SIAE: variants seen among roughly 807,000 people sequenced by gnomAD.
SIAE encodes sialic acid acetylesterase.
SIAE carries 39 observed loss-of-function variants against 52.6 expected under a neutral mutation model. The ratio of observed to expected loss-of-function variants is 0.74; its 90% CI spans 0.57 to 0.97. The LOEUF (loss-of-function observed/expected upper bound fraction) is 0.97. Ranked by LOEUF, SIAE falls within the 50% of genes least tolerant of loss-of-function variation. SIAE has a pLI of 0.00. For synonymous variants in SIAE, 233 were observed against 241.4 expected, an observed-to-expected ratio of 0.97 and a Z score of 0.32; for missense variants, 592 against 662.1, an observed-to-expected ratio of 0.89 and a Z score of 1.16.
Position 124,636,549 on chromosome 11 carries a change from A to C in SIAE, c.*402T>G. 1 of 279,600 alleles carries C rather than the reference A, an allele frequency of 3.6e-6. No homozygotes were observed. Among genetic ancestry groups the C allele is most frequent in the South Asian group, 4.1e-5 (1 of 24,392 alleles). The allele number at this position is 279,600 out of a possible 1,614,324, so 17.3% of individuals were successfully genotyped here. ...GCCTGGTTAGTACTTGGATGGGAGAAATTTTATAAAGAACACATGAACACT... is the reference window on the plus strand; with the variant it reads ...GCCTGGTTAGTACTTGGATGGGAGACATTTTATAAAGAACACATGAACACT... On this transcript the variant is annotated 3_prime_UTR_variant, in exon 10 of 10. Coordinates refer to ENST00000263593, the MANE Select transcript of SIAE (RefSeq NM_170601.5).
intron 1 of SIAE, among the ~76,000 whole-genome samples, chr11:124,671,193 T>A (rs941594378): frequency 3.9e-5 from 6 of 152,208 alleles, no homozygotes; most frequent in African/African-American, 1.4e-4. Flanking sequence ...ATCTTCATAA[T>A]CGTAGTATAA....
In SIAE at chr11:124,635,297, C is replaced by T. The variant is rs915385462; in HGVS notation, c.*1654G>A. The T allele has an allele frequency of 6.6e-6, 1 of 152,146 alleles. No homozygotes were observed. The highest frequency in any genetic ancestry group is 1.5e-5 in the Non-Finnish European group (1 of 68,046). 9.4% of individuals were successfully genotyped at this position (152,146 alleles called of 1,614,324 possible). A position where few individuals can be genotyped will look rare whatever the true frequency, so the allele number is the denominator to read the frequency against. ...GCATGGGCAATAGGGGTTAACTGAA[C>T]GAGTTGAATGCTAGGAAGTCCTCAG... On this transcript the variant is annotated 3_prime_UTR_variant, in exon 10 of 10. Transcript: ENST00000263593.
intron 7 of SIAE, among the ~76,000 whole-genome samples, chr11:124,644,951 ATCT>A (rs1942910360): frequency 6.6e-6 from 1 of 152,016 alleles, no homozygotes; most frequent in African/African-American, 2.4e-5. Flanking sequence ...GTCCCTCCAG[ATCT>A]TCTGATTTCT....
chr11:124,636,764 C>G lies in SIAE; in HGVS notation c.*187G>C. ...CTTAGACCAACTAGGGAACAAAAAG[C>G]AAGCATTTCAAGTTACCTATAAGCC... On this transcript the variant is annotated 3_prime_UTR_variant, in exon 10 of 10. Transcript: ENST00000263593. 4 of 790,416 alleles carry G rather than the reference C, an allele frequency of 5.1e-6. No homozygotes were observed. The highest frequency in any genetic ancestry group is 8.1e-6 in the Non-Finnish European group (4 of 496,894). 49.0% of individuals were successfully genotyped at this position (790,416 alleles called of 1,614,324 possible).
In SIAE at chr11:124,633,738, ATGT is replaced by A. The variant is rs1273993705; in HGVS notation, c.*3210_*3212del. The stretch of plus-strand genomic sequence containing the variant: ...CAAATCGGGAAGGGGACTGCTTAAA[ATGT>A]TAATGCAGTGTTTTTCTTTTTTTCT... On this transcript the variant is annotated 3_prime_UTR_variant, in exon 10 of 10. Coordinates refer to ENST00000263593, the MANE Select transcript of SIAE (RefSeq NM_170601.5). 1 of 152,254 alleles carries A rather than the reference ATGT, an allele frequency of 6.6e-6. No individual in the cohort carries two copies. Among genetic ancestry groups the A allele is most frequent in the Admixed American group, 6.5e-5 (1 of 15,286 alleles). The allele number at this position is 152,254 out of a possible 1,614,324, so 9.4% of individuals were successfully genotyped here. A position where few individuals can be genotyped will look rare whatever the true frequency, so the allele number is the denominator to read the frequency against.
Position 124,635,536 on chromosome 11 carries a change from C to G in SIAE, c.*1415G>C, listed in dbSNP as rs1942711052. 1 of 152,038 alleles carries G rather than the reference C, an allele frequency of 6.6e-6. No homozygotes were observed. 9.4% of individuals were successfully genotyped at this position (152,038 alleles called of 1,614,324 possible). On this transcript the variant is annotated 3_prime_UTR_variant, in exon 10 of 10. Coordinates refer to ENST00000263593, the MANE Select transcript of SIAE (RefSeq NM_170601.5). ...TAAAAAGTTCCTAAATTGGGGGAAA[C>G]ATAGTGAATTCCACATAATGTTTTA... is the stretch of plus-strand genomic sequence containing the variant.
chr11:124,650,096 T>C (rs1024309203), intron 4 of SIAE, among the ~76,000 whole-genome samples: 1 of 152,216 alleles, frequency 6.6e-6, no homozygotes, highest in Admixed American at 6.5e-5. Flanking sequence ...TTTCAGTTAC[T>C]CAAAATGCTT....
intron 1 of SIAE, chr11:124,669,724 A>G (rs1943322840): frequency 1.7e-6 from 1 of 582,276 alleles, no homozygotes. Flanking sequence ...TATGCATCAT[A>G]GCACATGATG....
rs1415399660 is a variant in SIAE at position 124,636,796 on chromosome 11, C to T, written c.*155G>A. The T allele has an allele frequency of 9.3e-7, 1 of 1,077,736 alleles. No homozygotes were observed. The highest frequency in any genetic ancestry group is 1.4e-6 in the Non-Finnish European group (1 of 718,798). The allele number at this position is 1,077,736 out of a possible 1,614,324, so 66.8% of individuals were successfully genotyped here. ...TTCAAGTTACCTATAAGCCTGGGCT[C>T]ATCAGAATATAGAAACAGCCATGTG... is the stretch of plus-strand genomic sequence containing the variant. On this transcript the variant is annotated 3_prime_UTR_variant, in exon 10 of 10. Coordinates refer to ENST00000263593, the MANE Select transcript of SIAE (RefSeq NM_170601.5).
At chr11:124,647,978 G>T in intron 6 of SIAE, 88 bp downstream of exon 6, 2 of 1,021,978 alleles carry the variant, frequency 2.0e-6, no homozygotes, top group Non-Finnish European at 1.5e-6. Context: ...TAAAGTTATT[G>T]TTGCTTTAAG....
intron 1 of SIAE, among the ~76,000 whole-genome samples, chr11:124,673,017 G>A (rs1943390980): frequency 6.6e-6 from 1 of 152,116 alleles, no homozygotes; most frequent in Non-Finnish European, 1.5e-5. Context: ...GATCTGACCT[G>A]CGCAACAGCC....
chr11:124,661,288 TCTC>T (rs1416474720), intron 2 of SIAE, among the ~76,000 whole-genome samples: 2 of 152,178 alleles, frequency 1.3e-5, no homozygotes, highest in African/African-American at 4.8e-5. Flanking sequence ...TCACTCCCCG[TCTC>T]CTCCTCTGTT....
intron 3 of SIAE, among the ~76,000 whole-genome samples, chr11:124,656,096 C>T (rs140743168): frequency 6.1e-4 from 92 of 152,054 alleles, no homozygotes; most frequent in African/African-American, 2.1e-3. Context: ...ACTCGGGTCC[C>T]GTCCCCAAGA....
At chr11:124,652,207 G>A (rs947173876) in intron 4 of SIAE, among the ~76,000 whole-genome samples, 6 of 152,088 alleles carry the variant, frequency 3.9e-5, no homozygotes, top group African/African-American at 7.2e-5. Flanking sequence ...CCCCAAAGAC[G>A]TCGACACACT....
Position 124,673,661 on chromosome 11 carries a change from CAGGATTAATGGCAGCACCAGCCCGAGTA to C in SIAE, c.20_47del (p.Val7GlyfsTer31), listed in dbSNP as rs1316466996. ...CCTCACCTGCACTTCTGTCGGCCCA[CAGGATTAATGGCAGCACCAGCCCGAGTA>C]CAAGCCCCGGCGCGACCATGCTTGC... On this transcript the variant is annotated frameshift_variant, in exon 1 of 10. Transcript: ENST00000263593. LOFTEE classifies it high-confidence loss of function. 6.2e-7 allele frequency: 1 copy of C among 1,613,792 alleles called. No homozygotes were observed. Among genetic ancestry groups the C allele is most frequent in the East Asian group, 2.2e-5 (1 of 44,844 alleles).
chr11:124,654,956 C>G (rs1049052216), intron 3 of SIAE, among the ~76,000 whole-genome samples, 163 bp from the exon 4 acceptor site: 2 of 151,940 alleles, frequency 1.3e-5, no homozygotes, highest in Non-Finnish European at 1.5e-5. Context: ...TCCACTTTTA[C>G]CAAAAGAGAC....
intron 2 of SIAE, among the ~76,000 whole-genome samples, chr11:124,665,136 C>A (rs1943255231): frequency 6.6e-6 from 1 of 152,186 alleles, no homozygotes; most frequent in South Asian, 2.1e-4. Context: ...CAGACACAGC[C>A]TAAGGTGACA....
intron 3 of SIAE, among the ~76,000 whole-genome samples, chr11:124,656,058 A>G (rs546833061): frequency 2.0e-5 from 3 of 152,324 alleles, no homozygotes; most frequent in South Asian, 4.1e-4. Flanking sequence ...TAAGGTATAT[A>G]GGAAACATAA....
chr11:124,650,540 A>C (rs1312981068), intron 4 of SIAE, among the ~76,000 whole-genome samples: 3 of 152,216 alleles, frequency 2.0e-5, no homozygotes, highest in Non-Finnish European at 4.4e-5. Flanking sequence ...TGAGAGAATG[A>C]GGCAGGTGGA....
Sources: gnomAD v4.1 joint callset for allele counts (sites outside exome capture counted in the v4.1 genomes callset) on GRCh38, gnomAD v4.1.1 for gene constraint, MANE v1.5 for transcripts, NCBI Gene and HGNC (gene_info 2026-07-23, HGNC 2026-07-21) for gene names.